CASQ2: variants seen among roughly 807,000 people sequenced by gnomAD.
The protein encoded by CASQ2 is calsequestrin-2.
Under a neutral mutation model 46.5 loss-of-function variants are expected in CASQ2, and 49 were observed. The observed-to-expected ratio is 1.05, with a 90% CI of 0.84 to 1.34. CASQ2 has a LOEUF of 1.34. Among genes scored for constraint, CASQ2 ranks in the 40% most tolerant of loss-of-function variants. The pLI is 0.00. For synonymous variants in CASQ2, 174 were observed against 168.5 expected (o/e 1.03, Z -0.25); for missense variants, 486 against 481.3 (o/e 1.01, Z -0.09).
chr1:115,744,764 C>T (rs1481764873), intron 2 of CASQ2, 64 bp downstream of exon 2: 2 of 1,084,696 alleles, frequency 1.8e-6, no homozygotes, highest in South Asian at 1.3e-5. Flanking sequence ...TGCAACTGTA[C>T]TTTTCCTTTT....
chr1:115,725,746 C>A (rs1647561896), intron 6 of CASQ2, among the ~76,000 whole-genome samples, 193 bp from the exon 7 acceptor site: 1 of 152,080 alleles, frequency 6.6e-6, no homozygotes. Flanking sequence ...AGACAGCGAG[C>A]TGGGCCAAGG....
chr1:115,760,806 C>G (rs1410616789), intron 1 of CASQ2, among the ~76,000 whole-genome samples: 1 of 152,166 alleles, frequency 6.6e-6, no homozygotes, highest in African/African-American at 2.4e-5. Flanking sequence ...TGTAAAAGTT[C>G]AAGTGACTAG....
chr1:115,726,291 G>A (rs9428082), intron 6 of CASQ2, among the ~76,000 whole-genome samples: 5,094 of 152,226 alleles, frequency 0.033, 278 homozygotes, highest in African/African-American at 0.12. Context: ...AACTACAGCT[G>A]GTGGGACAAA....
chr1:115,711,844 G>A (rs532763134), intron 8 of CASQ2, among the ~76,000 whole-genome samples: 6 of 151,850 alleles, frequency 4.0e-5, no homozygotes, highest in Non-Finnish European at 5.9e-5. Context: ...TAGTAGAGAC[G>A]GGGTTTCACT....
chr1:115,717,535 G>A, intron 8 of CASQ2, among the ~76,000 whole-genome samples: 1 of 152,310 alleles, frequency 6.6e-6, no homozygotes, highest in Middle Eastern at 3.4e-3. Context: ...CCATTTGGCA[G>A]CCTTGCGATT....
intron 5 of CASQ2, 34 bp from the exon 6 acceptor site, chr1:115,727,156 G>A: frequency 6.6e-6 from 10 of 1,504,874 alleles, no homozygotes; most frequent in Non-Finnish European, 9.2e-6. Flanking sequence ...AAGTTTATTT[G>A]AATACTAGTC....
At chr1:115,733,842 A>G (rs567244760) in intron 4 of CASQ2, among the ~76,000 whole-genome samples, 151 of 152,366 alleles carry the variant, frequency 9.9e-4, no homozygotes, top group African/African-American at 3.5e-3. Context: ...CGTGTGAAGT[A>G]TAAGCCTTTG....
At chr1:115,760,695 C>T (rs893078555) in intron 1 of CASQ2, among the ~76,000 whole-genome samples, 4 of 152,178 alleles carry the variant, frequency 2.6e-5, no homozygotes, top group African/African-American at 9.7e-5. Flanking sequence ...TAAACCAGCA[C>T]CTGTGGGGAT....
chr1:115,716,460 A>G (rs1238906873), intron 8 of CASQ2, among the ~76,000 whole-genome samples: 1 of 152,164 alleles, frequency 6.6e-6, no homozygotes, highest in African/African-American at 2.4e-5. Flanking sequence ...CATTTATCCT[A>G]TTTTCAGGTA....
intron 7 of CASQ2, among the ~76,000 whole-genome samples, chr1:115,724,331 C>T (rs1483454519): frequency 6.6e-6 from 1 of 152,168 alleles, no homozygotes; most frequent in Non-Finnish European, 1.5e-5. Context: ...GAGACAGAGT[C>T]TTGCTGTGTT....
chr1:115,702,232 T>C (rs1431482039), intron 10 of CASQ2, among the ~76,000 whole-genome samples: 1 of 152,198 alleles, frequency 6.6e-6, no homozygotes, highest in Non-Finnish European at 1.5e-5. Flanking sequence ...TGGCCCCCAT[T>C]CTTAAGAGAT....
At position 115,701,116 on chromosome 1, in the gene CASQ2, A is replaced by G; in HGVS notation, c.*125T>C. ...CTCCTGACGCAAAGGGAGTGGGAAA[A>G]GAGATGATGGAAAAGGGAAAGGAGC... On this transcript the variant is annotated 3_prime_UTR_variant, in exon 11 of 11. Transcript: ENST00000261448. 6.9e-7 allele frequency: 1 copy of G among 1,439,962 alleles called. No homozygotes were observed. Among genetic ancestry groups the G allele is most frequent in the Non-Finnish European group, 9.8e-7 (1 of 1,024,486 alleles). The allele number at this position is 1,439,962 out of a possible 1,614,324, so 89.2% of individuals were successfully genotyped here. A position where few individuals can be genotyped will look rare whatever the true frequency, so the allele number is the denominator to read the frequency against.
intron 1 of CASQ2, among the ~76,000 whole-genome samples, chr1:115,755,738 C>T (rs1021678874): frequency 7.9e-5 from 12 of 152,336 alleles, no homozygotes; most frequent in African/African-American, 2.2e-4. Context: ...CAGCACCAAG[C>T]GTGTGCCCAT....
intron 8 of CASQ2, among the ~76,000 whole-genome samples, chr1:115,715,264 C>CT (rs1253355161): frequency 1.3e-5 from 2 of 152,138 alleles, no homozygotes; most frequent in African/African-American, 4.8e-5. Context: ...ACCACACTAG[C>CT]TTTTTCTTGA....
intron 7 of CASQ2, among the ~76,000 whole-genome samples, chr1:115,723,745 G>T (rs1368242344): frequency 2.0e-5 from 3 of 152,008 alleles, no homozygotes; most frequent in African/African-American, 7.2e-5. Flanking sequence ...CACCATGTTG[G>T]CCAGGCTGGT....
At chr1:115,750,786 C>T (rs1410121255) in intron 1 of CASQ2, among the ~76,000 whole-genome samples, 1 of 148,600 alleles carries the variant, frequency 6.7e-6, no homozygotes, top group Non-Finnish European at 1.5e-5. Flanking sequence ...GGATTACAGC[C>T]ATGAGCCACC....
chr1:115,756,364 T>C (rs1320473260), intron 1 of CASQ2, among the ~76,000 whole-genome samples: 1 of 152,246 alleles, frequency 6.6e-6, no homozygotes, highest in Non-Finnish European at 1.5e-5. Flanking sequence ...AGGGAAGCCT[T>C]AGAGGCTTCT....
chr1:115,745,823 T>G (rs1182016262), intron 1 of CASQ2, among the ~76,000 whole-genome samples: 1 of 152,216 alleles, frequency 6.6e-6, no homozygotes, highest in Non-Finnish European at 1.5e-5. Flanking sequence ...AGAGATATCT[T>G]GTACATTTTA....
chr1:115,748,512 C>A (rs1207901397), intron 1 of CASQ2, among the ~76,000 whole-genome samples: 1 of 126,142 alleles, frequency 7.9e-6, no homozygotes, highest in Non-Finnish European at 1.7e-5. Flanking sequence ...ATAAGCCTAC[C>A]CCCACCCCCA....
Sources: gnomAD v4.1 joint callset for allele counts (sites outside exome capture counted in the v4.1 genomes callset) on GRCh38, gnomAD v4.1.1 for gene constraint, MANE v1.5 for transcripts, NCBI Gene and HGNC (gene_info 2026-07-23, HGNC 2026-07-21) for gene names.